Variants in PCDH9 observed in about 807,000 individuals in gnomAD.
PCDH9 encodes the protein protocadherin 9.
Under a neutral mutation model 70.6 loss-of-function variants are expected in PCDH9, and 24 were observed. That is an observed-to-expected ratio of 0.34 (90% CI 0.25 to 0.48). The LOEUF is 0.48. Among genes scored for constraint, PCDH9 ranks in the 20% least tolerant of loss-of-function variants. The probability of loss-of-function intolerance (pLI) is 0.99; values close to 1 mark genes in which losing one functional copy is unlikely to be tolerated. For synonymous variants in PCDH9, 562 were observed against 558.5 expected, an observed-to-expected ratio of 1.01 and a Z score of -0.09; for missense variants, 1,281 against 1,503.6, an observed-to-expected ratio of 0.85 and a Z score of 2.45.
At chr13:66,500,997 G>A (rs892279398) in intron 4 of PCDH9, among the ~76,000 whole-genome samples, 4 of 151,958 alleles carry the variant, frequency 2.6e-5, no homozygotes, top group African/African-American at 9.7e-5. Context: ...ACACATCCAA[G>A]AACTTTATTA....
chr13:66,625,753 TG>T (rs2077489971), intron 4 of PCDH9, among the ~76,000 whole-genome samples: 1 of 151,738 alleles, frequency 6.6e-6, no homozygotes, highest in African/African-American at 2.4e-5. Context: ...TTCCACCTCC[TG>T]GGTTCAAGTG....
At chr13:66,606,522 T>C (rs2077224605) in intron 4 of PCDH9, among the ~76,000 whole-genome samples, 2 of 152,132 alleles carry the variant, frequency 1.3e-5, no homozygotes, top group Non-Finnish European at 2.9e-5. Flanking sequence ...TTATTTTTTG[T>C]CTCACTGAAC....
At chr13:66,633,029 C>T (rs2077592099) in intron 3 of PCDH9, among the ~76,000 whole-genome samples, 1 of 152,030 alleles carries the variant, frequency 6.6e-6, no homozygotes, top group African/African-American at 2.4e-5. Context: ...TGTATGAATG[C>T]ATACTTATAG....
intron 3 of PCDH9, among the ~76,000 whole-genome samples, chr13:66,875,517 T>A (rs906803366): frequency 3.9e-5 from 6 of 152,178 alleles, no homozygotes; most frequent in African/African-American, 1.4e-4. Context: ...GGTAAAAGGC[T>A]GCTTTGAACA....
chr13:66,813,089 G>A (rs968503195), intron 3 of PCDH9, among the ~76,000 whole-genome samples: 6 of 152,140 alleles, frequency 3.9e-5, no homozygotes, highest in Admixed American at 1.3e-4. Flanking sequence ...TTCCTGACAG[G>A]AGCATTAGGA....
chr13:66,628,328 G>A (rs150442483), intron 4 of PCDH9, among the ~76,000 whole-genome samples: 190 of 151,982 alleles, frequency 1.3e-3, no homozygotes, highest in African/African-American at 3.4e-3. Flanking sequence ...CTGAATCTCC[G>A]GACAAATAAA....
At chr13:66,716,941 A>G (rs538588661) in intron 3 of PCDH9, among the ~76,000 whole-genome samples, 3 of 152,220 alleles carry the variant, frequency 2.0e-5, no homozygotes, top group African/African-American at 7.2e-5. Flanking sequence ...TTCAAATTGT[A>G]TATACTTCAG....
intron 4 of PCDH9, among the ~76,000 whole-genome samples, chr13:66,335,078 C>G (rs1232030213): frequency 6.6e-6 from 1 of 152,008 alleles, no homozygotes; most frequent in Non-Finnish European, 1.5e-5. Context: ...CCTTCAAACC[C>G]TTGGTGTTTT....
chr13:66,699,716 C>A (rs572058254), intron 3 of PCDH9, among the ~76,000 whole-genome samples: 8 of 152,114 alleles, frequency 5.3e-5, no homozygotes, highest in Non-Finnish European at 8.8e-5. Context: ...CCTAGAATTG[C>A]GAGATAATAA....
At chr13:67,110,771 CAT>C (rs2086643988) in intron 2 of PCDH9, among the ~76,000 whole-genome samples, 1 of 152,174 alleles carries the variant, frequency 6.6e-6, no homozygotes, top group Non-Finnish European at 1.5e-5. Context: ...CCTTGATTTA[CAT>C]ATGTCTGTTT....
At chr13:67,046,143 A>G (rs528389437) in intron 2 of PCDH9, among the ~76,000 whole-genome samples, 1 of 152,312 alleles carries the variant, frequency 6.6e-6, no homozygotes, top group African/African-American at 2.4e-5. Context: ...CAATGCCTTG[A>G]GAATATAATT....
intron 4 of PCDH9, among the ~76,000 whole-genome samples, chr13:66,341,611 C>T (rs891912890): frequency 6.6e-6 from 1 of 152,112 alleles, no homozygotes; most frequent in African/African-American, 2.4e-5. Flanking sequence ...GAAACACCGA[C>T]CTAATTAATG....
chr13:67,181,843 T>C (rs1275459240), intron 2 of PCDH9, among the ~76,000 whole-genome samples: 1 of 152,224 alleles, frequency 6.6e-6, no homozygotes, highest in Non-Finnish European at 1.5e-5. Flanking sequence ...TTCCAATGGT[T>C]TATTCTCTGT....
intron 3 of PCDH9, among the ~76,000 whole-genome samples, chr13:66,801,836 T>C (rs1329390321): frequency 2.0e-5 from 3 of 152,060 alleles, no homozygotes; most frequent in Non-Finnish European, 4.4e-5. Context: ...TAAAAAAATC[T>C]ATACAGCATG....
intron 2 of PCDH9, among the ~76,000 whole-genome samples, chr13:66,934,643 T>C (rs544568944): frequency 6.7e-6 from 1 of 148,536 alleles, no homozygotes; most frequent in Non-Finnish European, 1.5e-5. Flanking sequence ...GCTGAGGAAA[T>C]TTTAGTGAAT....
intron 3 of PCDH9, among the ~76,000 whole-genome samples, chr13:66,724,173 T>TA (rs1177212424): frequency 3.3e-5 from 5 of 152,352 alleles, no homozygotes; most frequent in African/African-American, 1.2e-4. Flanking sequence ...CATCGCTACA[T>TA]AACAATCTAA....
intron 2 of PCDH9, among the ~76,000 whole-genome samples, chr13:66,982,044 A>G (rs1454335551): frequency 6.6e-6 from 1 of 152,114 alleles, no homozygotes; most frequent in Non-Finnish European, 1.5e-5. Flanking sequence ...CGGATCCCTC[A>G]TGGCTTGATG....
At chr13:66,824,336 T>C (rs938945121) in intron 3 of PCDH9, among the ~76,000 whole-genome samples, 1 of 41,962 alleles carries the variant, frequency 2.4e-5, no homozygotes, top group Non-Finnish European at 5.6e-5. Context: ...TATATATATA[T>C]ATATATATAT....
intron 3 of PCDH9, among the ~76,000 whole-genome samples, chr13:66,848,778 A>C (rs1196753260): frequency 6.6e-6 from 1 of 151,914 alleles, no homozygotes; most frequent in Non-Finnish European, 1.5e-5. Flanking sequence ...AATACAAAAA[A>C]TTAGCCGGGC....
Sources: gnomAD v4.1 joint callset for allele counts (sites outside exome capture counted in the v4.1 genomes callset) on GRCh38, gnomAD v4.1.1 for gene constraint, MANE v1.5 for transcripts, NCBI Gene and HGNC (gene_info 2026-07-23, HGNC 2026-07-21) for gene names.